MICU2: variants seen among roughly 807,000 people sequenced by gnomAD.
MICU2 encodes mitochondrial calcium uptake 2, also known as calcium uptake protein 2, mitochondrial.
A neutral mutation model predicts 60.4 loss-of-function variants in MICU2; 64 were observed. The observed-to-expected ratio is 1.06, with a 90% CI of 0.87 to 1.31. The LOEUF (loss-of-function observed/expected upper bound fraction) is 1.31, where lower values mean the gene tolerates loss of function less well. Among genes scored for constraint, MICU2 ranks in the 50% most tolerant of loss-of-function variants. The pLI is 0.00. For missense variants in MICU2, 569 were observed against 531.0 expected (o/e 1.07, Z -0.70); for synonymous variants, 201 against 175.0 (o/e 1.15, Z -1.17).
chr13:21,576,188 A>AACAGG (rs1888224199), intron 1 of MICU2, among the ~76,000 whole-genome samples: 4 of 152,354 alleles, frequency 2.6e-5, no homozygotes, highest in Admixed American at 1.3e-4. Context: ...GCAACAGACT[A>AACAGG]ATATTTTTCA....
intron 1 of MICU2, among the ~76,000 whole-genome samples, chr13:21,575,845 T>C (rs192106075): frequency 7.8e-4 from 118 of 152,170 alleles, no homozygotes; most frequent in African/African-American, 2.7e-3. Context: ...ACATTTTTCT[T>C]AAGAATTGAA....
intron 1 of MICU2, among the ~76,000 whole-genome samples, chr13:21,569,527 T>G (rs1888058980): frequency 6.6e-6 from 1 of 152,126 alleles, no homozygotes; most frequent in Non-Finnish European, 1.5e-5. Flanking sequence ...TTAGTCTTTC[T>G]GTTCATCCTA....
At position 21,510,127 on chromosome 13, in the gene MICU2, A is replaced by G. The variant is rs766306295; in HGVS notation, c.664-26T>C. On this transcript the variant is annotated intron_variant, in intron 7 of 11. Transcript: ENST00000382374. ...CTATTAAAAAAATCACAATAATTTA[A>G]AATAATTATAAATAAGAATAAAAAT... 26 of 1,098,072 alleles carry G rather than the reference A, an allele frequency of 2.4e-5. No individual in the cohort carries two copies. In the South Asian group the frequency reaches 3.6e-4, roughly 15 times the overall value. The allele number at this position is 1,098,072 out of a possible 1,614,324, so 68.0% of individuals were successfully genotyped here. A position where few individuals can be genotyped will look rare whatever the true frequency, so the allele number is the denominator to read the frequency against.
Position 21,525,181 on chromosome 13 carries a change from ATTTTTTTTTTTTTT to A in MICU2, c.467-2545_467-2532del, listed in dbSNP as rs71093324. On this transcript the variant is annotated intron_variant, in intron 4 of 11. Transcript: ENST00000382374. ...TCATACAGTAATGCTGTGTAATTCA[ATTTTTTTTTTTTTT>A]TTTTTTTTTTTTTTTGAGATGGAGT... is the stretch of plus-strand genomic sequence containing the variant. Among the ~76,000 whole-genome samples the A allele has an allele frequency of 1.5e-3, 126 of 83,308 alleles. 1 individual carries two copies. The highest frequency in any genetic ancestry group is 5.8e-3 in the African/African-American group (112 of 19,406). The allele number at this position is 83,308 out of a possible 152,430, so 54.7% of individuals were successfully genotyped here.
intron 2 of MICU2, among the ~76,000 whole-genome samples, chr13:21,554,566 C>T (rs1042041104): frequency 2.6e-5 from 4 of 151,886 alleles, no homozygotes; most frequent in African/African-American, 9.7e-5. Flanking sequence ...ACAAAATGCC[C>T]ACAAGAGAAA....
At chr13:21,510,207 G>T in intron 7 of MICU2, 106 bp from the exon 8 acceptor site, 1 of 483,330 alleles carries the variant, frequency 2.1e-6, no homozygotes, top group Non-Finnish European at 3.3e-6. Context: ...TCTTCTTACA[G>T]CAACAACAAC....
intron 9 of MICU2, among the ~76,000 whole-genome samples, chr13:21,501,866 C>A (rs1192905594): frequency 2.0e-5 from 3 of 152,272 alleles, no homozygotes; most frequent in East Asian, 1.9e-4. Flanking sequence ...AGAGTCTAGA[C>A]CTCTGAATGG....
intron 4 of MICU2, among the ~76,000 whole-genome samples, chr13:21,535,835 AT>A (rs1370927110): frequency 6.6e-6 from 1 of 152,148 alleles, no homozygotes; most frequent in Non-Finnish European, 1.5e-5. Context: ...AAAATATCTT[AT>A]TTTATTAAAT....
chr13:21,573,435 G>A (rs919119906), intron 1 of MICU2, among the ~76,000 whole-genome samples: 4 of 152,110 alleles, frequency 2.6e-5, no homozygotes, highest in African/African-American at 7.2e-5. Flanking sequence ...ACCATGCCCG[G>A]CTAATTTTTT....
chr13:21,527,770 C>T (rs1204761647), intron 4 of MICU2, among the ~76,000 whole-genome samples: 3 of 152,152 alleles, frequency 2.0e-5, no homozygotes, highest in Non-Finnish European at 4.4e-5. Flanking sequence ...CTAGGAGAAA[C>T]GAGTAAGTTC....
At chr13:21,546,679 T>C (rs1454094743) in intron 2 of MICU2, among the ~76,000 whole-genome samples, 1 of 152,212 alleles carries the variant, frequency 6.6e-6, no homozygotes, top group African/African-American at 2.4e-5. Flanking sequence ...GTGGCTCCTA[T>C]CTAATGATTT....
chr13:21,571,397 T>TA (rs1566164934), intron 1 of MICU2, among the ~76,000 whole-genome samples: 8 of 152,014 alleles, frequency 5.3e-5, no homozygotes, highest in Non-Finnish European at 1.0e-4. Flanking sequence ...AATTAAAATT[T>TA]TAAAAAAAAT....
chr13:21,537,271 C>T (rs574264389), intron 4 of MICU2, among the ~76,000 whole-genome samples: 1 of 152,154 alleles, frequency 6.6e-6, no homozygotes, highest in Non-Finnish European at 1.5e-5. Flanking sequence ...CTAGCAAATC[C>T]TAACTGTCCA....
intron 2 of MICU2, among the ~76,000 whole-genome samples, chr13:21,561,785 T>C (rs1014594900): frequency 3.3e-5 from 5 of 149,700 alleles, no homozygotes; most frequent in African/African-American, 9.8e-5. Context: ...TATGTATACA[T>C]GTGCCATGCT....
intron 4 of MICU2, among the ~76,000 whole-genome samples, 173 bp downstream of exon 4, chr13:21,539,129 G>A (rs910384244): frequency 3.9e-5 from 6 of 151,978 alleles, no homozygotes; most frequent in Non-Finnish European, 8.8e-5. Context: ...AAACATTGAT[G>A]TTTTAATAAT....
chr13:21,512,009 G>C (rs569129135), intron 7 of MICU2, among the ~76,000 whole-genome samples: 134 of 152,320 alleles, frequency 8.8e-4, no homozygotes, highest in African/African-American at 3.0e-3. Flanking sequence ...AAGAACATGT[G>C]TGTACAGGTT....
intron 2 of MICU2, among the ~76,000 whole-genome samples, chr13:21,559,116 T>A (rs1164752541): frequency 6.6e-6 from 1 of 152,220 alleles, no homozygotes; most frequent in African/African-American, 2.4e-5. Context: ...TTCTTTAATG[T>A]GCTATACGAC....
chr13:21,571,794 A>T (rs1431745230), intron 1 of MICU2, among the ~76,000 whole-genome samples: 2 of 152,272 alleles, frequency 1.3e-5, no homozygotes, highest in East Asian at 3.8e-4. Flanking sequence ...GAACAGCAGT[A>T]GAGCAAGCTC....
At chr13:21,559,920 T>C (rs546566649) in intron 2 of MICU2, among the ~76,000 whole-genome samples, 9 of 152,380 alleles carry the variant, frequency 5.9e-5, no homozygotes, top group Non-Finnish European at 1.2e-4. Context: ...ACAAAATTAA[T>C]TGTTGCTAAT....
Sources: gnomAD v4.1 joint callset for allele counts (sites outside exome capture counted in the v4.1 genomes callset) on GRCh38, gnomAD v4.1.1 for gene constraint, MANE v1.5 for transcripts, NCBI Gene and HGNC (gene_info 2026-07-23, HGNC 2026-07-21) for gene names.